Variants in GNAO1 observed in about 807,000 individuals in gnomAD.
GNAO1 encodes the protein G protein subunit alpha o1.
For synonymous variants in GNAO1, 164 were observed against 180.7 expected, an observed-to-expected ratio of 0.91 and a Z score of 0.74; for missense variants, 166 against 478.7, an observed-to-expected ratio of 0.35 and a Z score of 6.10.
chr16:56,349,435 G>T (rs1272516505), intron 6 of GNAO1, among the ~76,000 whole-genome samples: 1 of 152,196 alleles, frequency 6.6e-6, no homozygotes, highest in East Asian at 1.9e-4. Context: ...CTTGAGTGTG[G>T]ACAGCCCGAG....
intron 2 of GNAO1, among the ~76,000 whole-genome samples, chr16:56,220,020 C>T (rs2036469566): frequency 6.6e-6 from 1 of 152,078 alleles, no homozygotes; most frequent in South Asian, 2.1e-4. Context: ...AACCATAGCC[C>T]CAGAAATGTC....
chr16:56,286,726 T>C (rs1344239941), intron 3 of GNAO1, among the ~76,000 whole-genome samples: 1 of 146,412 alleles, frequency 6.8e-6, no homozygotes, highest in Admixed American at 6.7e-5. Flanking sequence ...TGTGTGTGTG[T>C]GTGTGTATGT....
In GNAO1 at chr16:56,351,336, G is replaced by C. The variant is rs779213253; in HGVS notation, c.724-48G>C. 1 of 1,425,598 alleles carries C rather than the reference G, an allele frequency of 7.0e-7. No individual in the cohort carries two copies. Among genetic ancestry groups the C allele is most frequent in the Non-Finnish European group, 9.8e-7 (1 of 1,015,426 alleles). 88.3% of individuals were successfully genotyped at this position (1,425,598 alleles called of 1,614,324 possible). On this transcript the variant is annotated intron_variant, in intron 6 of 8. Transcript: ENST00000262493. The surrounding 1 kb of genome is among the most constrained non-coding windows in gnomAD (Gnocchi z 6.1). ...TCTCCTTCTCTTTCCCTGTCTCTGT[G>C]TCTCCCTCCCGCTGTCTGTCCTCTC...
At chr16:56,256,708 C>CTGTGTGTG (rs1158339826) in intron 2 of GNAO1, among the ~76,000 whole-genome samples, 6 of 119,496 alleles carry the variant, frequency 5.0e-5, no homozygotes, top group African/African-American at 2.0e-4. Context: ...CTCTCTCTCT[C>CTGTGTGTG]TCTCTCTCTC....
At chr16:56,249,034 A>G (rs1450352670) in intron 2 of GNAO1, among the ~76,000 whole-genome samples, 1 of 152,232 alleles carries the variant, frequency 6.6e-6, no homozygotes, top group African/African-American at 2.4e-5. Flanking sequence ...ATTCAGAGAC[A>G]TGGGGCTGTC....
At chr16:56,257,529 G>A (rs2036863637) in intron 2 of GNAO1, among the ~76,000 whole-genome samples, 1 of 152,164 alleles carries the variant, frequency 6.6e-6, no homozygotes, top group African/African-American at 2.4e-5. Flanking sequence ...CCTTCTGGCT[G>A]TGCATCTTGT....
At chr16:56,350,739 C>T (rs2037912107) in intron 6 of GNAO1, among the ~76,000 whole-genome samples, 1 of 152,152 alleles carries the variant, frequency 6.6e-6, no homozygotes, top group Non-Finnish European at 1.5e-5. Context: ...CTGGCAGGAC[C>T]TGGCATGCCT....
At chr16:56,247,127 C>T (rs1274486840) in intron 2 of GNAO1, among the ~76,000 whole-genome samples, 1 of 152,344 alleles carries the variant, frequency 6.6e-6, no homozygotes, top group East Asian at 1.9e-4. Flanking sequence ...AGCTCCCCTC[C>T]GTTGCTGTCA....
chr16:56,274,078 A>T (rs1208626443), intron 2 of GNAO1, among the ~76,000 whole-genome samples: 1 of 152,056 alleles, frequency 6.6e-6, no homozygotes, highest in African/African-American at 2.4e-5. Context: ...GCTTTCCTGA[A>T]CTCACTTTTT....
At position 56,286,722 on chromosome 16, in the gene GNAO1, TGTG is replaced by T. The variant is rs1479010693; in HGVS notation, c.303+10651_303+10653del. ...GTGTGTGTGTGTGTGTGTGTGTGTG[TGTG>T]TGTGTGTATGTGTGTATCTGTCTGT... On this transcript the variant is annotated intron_variant, in intron 3 of 8. Transcript: ENST00000262493. 5.3e-5 allele frequency among the ~76,000 whole-genome samples: 8 copies of T among 151,782 alleles called. No individual in the cohort carries two copies. In the East Asian group the frequency reaches 1.5e-3, roughly 29 times the overall value.
At position 56,326,786 on chromosome 16, in the gene GNAO1, T is replaced by C. The variant is rs1186613614; in HGVS notation, c.304-1845T>C. Among the ~76,000 whole-genome samples the C allele has an allele frequency of 6.6e-6, 1 of 152,204 alleles. No homozygotes were observed. Among genetic ancestry groups the C allele is most frequent in the Non-Finnish European group, 1.5e-5 (1 of 68,030 alleles). ...CAGGAGGGCGGCCCGGGGCAGCACC[T>C]GCTCTGCTCTCACCTACTCTGCGTT... On this transcript the variant is annotated intron_variant, in intron 3 of 8. Transcript: ENST00000262493. The surrounding 1 kb of genome is among the most constrained non-coding windows in gnomAD (Gnocchi z 4.8).
At chr16:56,222,688 T>A (rs1380264751) in intron 2 of GNAO1, among the ~76,000 whole-genome samples, 1 of 152,062 alleles carries the variant, frequency 6.6e-6, no homozygotes, top group Non-Finnish European at 1.5e-5. Context: ...CCATCGTAGG[T>A]GTGTGTGAGA....
chr16:56,230,046 G>A (rs2036573899), intron 2 of GNAO1, among the ~76,000 whole-genome samples: 1 of 152,016 alleles, frequency 6.6e-6, no homozygotes, highest in African/African-American at 2.4e-5. Context: ...CCTTCATATG[G>A]TGAAACAAAC....
At chr16:56,344,296 GTCC>G in intron 6 of GNAO1, 3 of 1,181,642 alleles carry the variant, frequency 2.5e-6, no homozygotes, top group Non-Finnish European at 2.1e-6. Context: ...GCCTCGGAGT[GTCC>G]TCCTGTCATC....
Position 56,298,914 on chromosome 16 carries a change from C to CAATGTCTCA in GNAO1, c.303+22844_303+22845insTGTCTCAAA, listed in dbSNP as rs1555505412. 8.5e-5 allele frequency among the ~76,000 whole-genome samples: 6 copies of CAATGTCTCA among 70,312 alleles called. No homozygotes were observed. In the East Asian group the frequency reaches 1.3e-3, roughly 16 times the overall value. The allele number at this position is 70,312 out of a possible 152,430, so 46.1% of individuals were successfully genotyped here. On this transcript the variant is annotated intron_variant, in intron 3 of 8. Transcript: ENST00000262493. ...TGGGCGAGAGAGTGAGACTCTGTCT[C>CAATGTCTCA]AAAAAAAAAAAAAAAAGGGTTAATT...
intron 4 of GNAO1, 117 bp downstream of exon 4, chr16:56,328,908 G>A: frequency 1.0e-6 from 1 of 998,896 alleles, no homozygotes; most frequent in Non-Finnish European, 1.5e-6. Context: ...CGCCTGCCGG[G>A]AGATGTTCTC....
At chr16:56,261,165 CTTTACCA>C (rs2036900235) in intron 2 of GNAO1, among the ~76,000 whole-genome samples, 1 of 152,198 alleles carries the variant, frequency 6.6e-6, no homozygotes, top group African/African-American at 2.4e-5. Flanking sequence ...TTTTGGCAGA[CTTTACCA>C]TAAGCAGTCC....
chr16:56,331,692 C>T (rs1390645103), intron 4 of GNAO1, among the ~76,000 whole-genome samples: 3 of 152,218 alleles, frequency 2.0e-5, no homozygotes, highest in Non-Finnish European at 4.4e-5. Context: ...TCCCCAAGCT[C>T]CATCCCAGAA....
At chr16:56,341,058 C>T (rs1352235750) in intron 6 of GNAO1, 2 of 1,286,936 alleles carry the variant, frequency 1.6e-6, no homozygotes, top group Non-Finnish European at 2.2e-6. Context: ...GTCCACCCTT[C>T]CTGTGCTCTG....
Sources: gnomAD v4.1 joint callset for allele counts (sites outside exome capture counted in the v4.1 genomes callset) on GRCh38, gnomAD v4.1.1 for gene constraint, Gnocchi (gnomAD v3.1) non-coding constraint, MANE v1.5 for transcripts, NCBI Gene and HGNC (gene_info 2026-07-23, HGNC 2026-07-21) for gene names.